Variants in CNTN1 observed in about 807,000 individuals in gnomAD.
CNTN1 encodes the protein contactin 1.
In CNTN1, 38 loss-of-function variants were observed where a neutral mutation model predicts 126.4. That is an observed-to-expected ratio of 0.30 (90% CI 0.23 to 0.39). The LOEUF (loss-of-function observed/expected upper bound fraction) is 0.39, where lower values mean the gene tolerates loss of function less well. Ranked by LOEUF, CNTN1 falls within the 10% of genes least tolerant of loss-of-function variation. The probability of loss-of-function intolerance (pLI) is 1.00; values close to 1 mark genes in which losing one functional copy is unlikely to be tolerated. For missense variants in CNTN1, 1,009 were observed against 1,248.4 expected (o/e 0.81, Z 2.89); for synonymous variants, 413 against 422.6 (o/e 0.98, Z 0.28).
chr12:40,864,067 C>A (rs1486798613), intron 1 of CNTN1, among the ~76,000 whole-genome samples: 1 of 136,708 alleles, frequency 7.3e-6, no homozygotes, highest in Non-Finnish European at 1.5e-5. Flanking sequence ...GTTGCCCAGG[C>A]TGGAGTGCAA....
At chr12:40,891,742 T>C (rs1275455397) in intron 1 of CNTN1, among the ~76,000 whole-genome samples, 1 of 152,152 alleles carries the variant, frequency 6.6e-6, no homozygotes, top group African/African-American at 2.4e-5. Flanking sequence ...CATTGATCTA[T>C]GTATCTGTAT....
At chr12:41,066,975 C>T (rs1950059739) in intron 23 of CNTN1, among the ~76,000 whole-genome samples, 2 of 152,206 alleles carry the variant, frequency 1.3e-5, no homozygotes, top group East Asian at 1.9e-4. Context: ...ATGTGAAAAG[C>T]AAAATATGTG....
chr12:40,995,476 AG>A (rs137882738), intron 17 of CNTN1, among the ~76,000 whole-genome samples: 2,517 of 150,974 alleles, frequency 0.017, 37 homozygotes, highest in Non-Finnish European at 0.024. Flanking sequence ...TTAGTGATAT[AG>A]GGGAGAAGGA....
chr12:40,750,573 C>T (rs993518055), intron 1 of CNTN1, among the ~76,000 whole-genome samples: 2 of 151,802 alleles, frequency 1.3e-5, no homozygotes, highest in African/African-American at 4.8e-5. Flanking sequence ...GAGGCTGAGG[C>T]CAGAGGATCG....
chr12:40,824,473 T>C (rs1941544716), intron 1 of CNTN1, among the ~76,000 whole-genome samples: 1 of 152,178 alleles, frequency 6.6e-6, no homozygotes, highest in Admixed American at 6.5e-5. Flanking sequence ...TCCTAATAAC[T>C]CTATGAGGTT....
intron 1 of CNTN1, among the ~76,000 whole-genome samples, chr12:40,878,044 C>T (rs1190868661): frequency 7.8e-6 from 1 of 128,998 alleles, no homozygotes; most frequent in Admixed American, 9.6e-5. Flanking sequence ...GTTGCCCAGG[C>T]TGGAGTGCAA....
rs751479013 is a variant in CNTN1, at chr12:40,944,030, G to A, written c.1543G>A (p.Asp515Asn). Residue 515 changes from aspartate to asparagine, a missense_variant, in exon 14 of 24, where the codon GAT (aspartate) becomes AAT (asparagine). Physicochemically the swap from Asp to Asn is conservative, Grantham distance 23. Coordinates refer to ENST00000551295, the MANE Select transcript of CNTN1 (RefSeq NM_001843.4). ...AATTATATTGGCCCCAATTAATGCC[G>A]ATATCACAGTTGGAGAAAACGCCAC... ...TRIILAPINA[D>N]ITVGENATMQ... is the part of the protein sequence containing the mutation. The A allele has an allele frequency of 3.7e-6, 6 of 1,613,398 alleles. No individual in the cohort carries two copies. Among genetic ancestry groups the A allele is most frequent in the South Asian group, 1.1e-5 (1 of 91,050 alleles).
At chr12:40,945,814 G>GCCA (rs1001886303) in intron 14 of CNTN1, among the ~76,000 whole-genome samples, 1 of 151,746 alleles carries the variant, frequency 6.6e-6, no homozygotes, top group African/African-American at 2.4e-5. Flanking sequence ...AGACCTTGTG[G>GCCA]CCACTTAGTG....
chr12:41,001,450 GT>G (rs1948358334), intron 17 of CNTN1, among the ~76,000 whole-genome samples: 1 of 151,804 alleles, frequency 6.6e-6, no homozygotes, highest in African/African-American at 2.4e-5. Context: ...TAATGGGGTT[GT>G]TTTTTCTTGT....
intron 1 of CNTN1, among the ~76,000 whole-genome samples, chr12:40,694,099 A>G (rs1185470178): frequency 6.6e-6 from 1 of 152,208 alleles, no homozygotes; most frequent in Non-Finnish European, 1.5e-5. Flanking sequence ...TAGACTCGGC[A>G]TAATGGTTTG....
intron 1 of CNTN1, among the ~76,000 whole-genome samples, chr12:40,895,682 C>T (rs1944383133): frequency 6.6e-6 from 1 of 151,856 alleles, no homozygotes; most frequent in African/African-American, 2.4e-5. Flanking sequence ...GTTTCCAACA[C>T]ATGAAATCTG....
chr12:40,950,544 C>CA (rs1946636266), intron 14 of CNTN1, among the ~76,000 whole-genome samples: 1 of 152,140 alleles, frequency 6.6e-6, no homozygotes, highest in African/African-American at 2.4e-5. Context: ...TCTTGTGACA[C>CA]ACAAAACATA....
chr12:40,741,590 C>T (rs935230), intron 1 of CNTN1, among the ~76,000 whole-genome samples: 125,322 of 152,010 alleles, frequency 0.82, 52,186 homozygotes, highest in East Asian at 0.98. Context: ...CTATTTGCAC[C>T]GGATATTATA....
chr12:41,053,408 T>A (rs1392405625), intron 23 of CNTN1, among the ~76,000 whole-genome samples: 2 of 134,460 alleles, frequency 1.5e-5, no homozygotes, highest in Non-Finnish European at 3.1e-5. Flanking sequence ...TTAGATTTTG[T>A]CTCTTTCATG....
intron 23 of CNTN1, among the ~76,000 whole-genome samples, chr12:41,053,461 A>ATATATATATATG: frequency 7.8e-6 from 1 of 128,294 alleles, no homozygotes; most frequent in African/African-American, 3.1e-5. Context: ...ATATATATAT[A>ATATATATATATG]TATATATTTG....
intron 1 of CNTN1, among the ~76,000 whole-genome samples, chr12:40,886,158 T>C (rs1944023026): frequency 6.6e-6 from 1 of 152,236 alleles, no homozygotes; most frequent in Non-Finnish European, 1.5e-5. Context: ...GCATCCTCTT[T>C]TTTGATTGTT....
chr12:41,067,988 T>C (rs1950082871), intron 23 of CNTN1, among the ~76,000 whole-genome samples: 1 of 152,226 alleles, frequency 6.6e-6, no homozygotes, highest in East Asian at 1.9e-4. Context: ...CTTTTTTCCA[T>C]ATGACATTTA....
At position 41,014,253 on chromosome 12, in the gene CNTN1, A is replaced by G. The variant is rs780698834; in HGVS notation, c.2139A>G (p.Val713=). The G allele has an allele frequency of 6.2e-7, 1 of 1,613,972 alleles. No homozygotes were observed. The highest frequency in any genetic ancestry group is 1.1e-5 in the South Asian group (1 of 91,084). The part of the protein sequence containing the change: ...GAAPNVAPSD[V]GGGGGRNREL... ...CACCAAATGTGGCTCCTTCAGATGTAGGAGGTGGAGGTGGAAGAAACAGAG... is the reference window on the plus strand; with the variant it reads ...CACCAAATGTGGCTCCTTCAGATGTGGGAGGTGGAGGTGGAAGAAACAGAG... Residue 713 remains valine (V), a synonymous_variant, in exon 18 of 24, where the codon GTA becomes GTG. Transcript: ENST00000551295.
At chr12:41,033,822 A>G (rs959552389) in intron 23 of CNTN1, among the ~76,000 whole-genome samples, 1 of 150,754 alleles carries the variant, frequency 6.6e-6, no homozygotes, top group African/African-American at 2.4e-5. Flanking sequence ...GCGGATCGCG[A>G]GGTCAGGAGA....
Sources: gnomAD v4.1 joint callset for allele counts (sites outside exome capture counted in the v4.1 genomes callset) on GRCh38, gnomAD v4.1.1 for gene constraint, MANE v1.5 for transcripts, NCBI Gene and HGNC (gene_info 2026-07-23, HGNC 2026-07-21) for gene names.